The following TSHZ3 variants were observed in gnomAD, a reference collection of about 807,000 sequenced individuals.
The protein encoded by TSHZ3 is teashirt homolog 3.
In TSHZ3, 10 loss-of-function variants were observed where a neutral mutation model predicts 64.5. The observed-to-expected ratio is 0.16, with a 90% confidence interval of 0.10 to 0.26. The LOEUF (loss-of-function observed/expected upper bound fraction) is 0.26. Ranked by LOEUF, TSHZ3 falls within the 10% of genes least tolerant of loss-of-function variation. TSHZ3 has a pLI of 1.00. For missense variants in TSHZ3, 1,242 were observed against 1,421.7 expected (o/e 0.87, Z 2.03); for synonymous variants, 608 against 593.1 (o/e 1.03, Z -0.36).
chr19:31,328,068 C>G (rs897276331), intron 1 of TSHZ3, among the ~76,000 whole-genome samples: 1 of 152,206 alleles, frequency 6.6e-6, no homozygotes, highest in African/African-American at 2.4e-5. Context: ...TTATCTCTGT[C>G]CTCTGAAGAA....
chr19:31,311,331 G>A (rs1359023299), intron 1 of TSHZ3, among the ~76,000 whole-genome samples: 3 of 152,180 alleles, frequency 2.0e-5, no homozygotes, highest in Admixed American at 6.5e-5. Context: ...CAAATCCTAG[G>A]ACAGATCAAG....
intron 1 of TSHZ3, among the ~76,000 whole-genome samples, chr19:31,284,681 G>A (rs1234842305): frequency 1.3e-5 from 2 of 152,154 alleles, no homozygotes; most frequent in African/African-American, 4.8e-5. Flanking sequence ...GGCTCTTGGG[G>A]ATAGCAGGGT....
At chr19:31,249,465 C>A (rs1452331132) in intron 1 of TSHZ3, among the ~76,000 whole-genome samples, 4 of 152,162 alleles carry the variant, frequency 2.6e-5, no homozygotes, top group African/African-American at 9.7e-5. Flanking sequence ...GGGACCTTGG[C>A]ACCGACTGCA....
At chr19:31,300,595 G>C (rs1350710290) in intron 1 of TSHZ3, among the ~76,000 whole-genome samples, 7 of 152,152 alleles carry the variant, frequency 4.6e-5, no homozygotes, top group Non-Finnish European at 8.8e-5. Context: ...CCTCTCTAAC[G>C]ATGCACTCGC....
At chr19:31,266,912 G>T (rs907238660) in intron 1 of TSHZ3, among the ~76,000 whole-genome samples, 1 of 152,132 alleles carries the variant, frequency 6.6e-6, no homozygotes. Context: ...TCCCCTCTCT[G>T]CAAGCTCAAG....
At chr19:31,284,871 G>C (rs1976427886) in intron 1 of TSHZ3, among the ~76,000 whole-genome samples, 1 of 152,140 alleles carries the variant, frequency 6.6e-6, no homozygotes, top group Non-Finnish European at 1.5e-5. Context: ...TGGGACGAAT[G>C]AATGAATGAA....
intron 1 of TSHZ3, among the ~76,000 whole-genome samples, chr19:31,322,610 A>G (rs913648795): frequency 6.6e-6 from 1 of 151,558 alleles, no homozygotes; most frequent in Admixed American, 6.6e-5. Flanking sequence ...TGTAGAGACC[A>G]GGTCTCACTA....
At chr19:31,203,141 T>C (rs1046694589) in intron 5 of TSHZ3, among the ~76,000 whole-genome samples, 1 of 151,612 alleles carries the variant, frequency 6.6e-6, no homozygotes, top group African/African-American at 2.4e-5. Flanking sequence ...GGAAGCTCCA[T>C]TGAGAAGAGG....
chr19:31,266,460 G>A (rs1467957084), intron 1 of TSHZ3, among the ~76,000 whole-genome samples: 1 of 152,068 alleles, frequency 6.6e-6, no homozygotes, highest in African/African-American at 2.4e-5. Context: ...CACTCCCTGA[G>A]GAATCTGAGA....
intron 1 of TSHZ3, among the ~76,000 whole-genome samples, chr19:31,291,447 G>A (rs1976563369): frequency 6.6e-6 from 1 of 152,180 alleles, no homozygotes; most frequent in African/African-American, 2.4e-5. Flanking sequence ...AAAGGAGGAG[G>A]CCAGAACGTC....
intron 5 of TSHZ3, among the ~76,000 whole-genome samples, chr19:31,171,147 G>A (rs1040105113): frequency 2.0e-5 from 3 of 152,110 alleles, no homozygotes; most frequent in African/African-American, 7.2e-5. Context: ...TGGGGGAAGA[G>A]GAAGAGAGAT....
At chr19:31,309,638 C>G (rs1599640212) in intron 1 of TSHZ3, among the ~76,000 whole-genome samples, 1 of 152,180 alleles carries the variant, frequency 6.6e-6, no homozygotes, top group Admixed American at 6.5e-5. Flanking sequence ...GTAAATGAAA[C>G]GTGCGGATAA....
intron 5 of TSHZ3, among the ~76,000 whole-genome samples, chr19:31,202,035 C>T (rs1020756574): frequency 2.0e-5 from 3 of 151,828 alleles, no homozygotes; most frequent in Non-Finnish European, 4.4e-5. Context: ...AGCGTGCTGG[C>T]GGTGCCTGTA....
At chr19:31,213,114 G>C (rs1357689313) in intron 4 of TSHZ3, among the ~76,000 whole-genome samples, 1 of 151,934 alleles carries the variant, frequency 6.6e-6, no homozygotes, top group Non-Finnish European at 1.5e-5. Context: ...CTAGCACTTT[G>C]GGAGGCGGAG....
At chr19:31,341,708 A>C (rs1917445500) in intron 1 of TSHZ3, among the ~76,000 whole-genome samples, 1 of 151,716 alleles carries the variant, frequency 6.6e-6, no homozygotes, top group African/African-American at 2.4e-5. Flanking sequence ...GAAAACCTAC[A>C]GAACAGCTCC....
rs970256956 is a variant in TSHZ3, at chr19:31,349,337, C to A, written c.-118G>T. On this transcript the variant is annotated 5_prime_UTR_variant, in exon 1 of 2. Coordinates refer to ENST00000240587, the MANE Select transcript of TSHZ3 (RefSeq NM_020856.4). ...GGCGGGCCTGCTCTCAGCCTCCCCC[C>A]CGGAGAGCGGCCGCCCGCAGGATGC... The A allele has an allele frequency of 5.7e-5, 57 of 1,001,662 alleles. No homozygotes were observed. The highest frequency in any genetic ancestry group is 1.8e-4 in the South Asian group (8 of 43,248). 62.0% of individuals were successfully genotyped at this position (1,001,662 alleles called of 1,614,324 possible). A position where few individuals can be genotyped will look rare whatever the true frequency, so the allele number is the denominator to read the frequency against.
chr19:31,248,102 TACTC>T (rs1313820093), intron 1 of TSHZ3, among the ~76,000 whole-genome samples: 4 of 152,098 alleles, frequency 2.6e-5, no homozygotes, highest in Admixed American at 6.5e-5. Flanking sequence ...TCGTGAGACT[TACTC>T]ACTACCACGA....
chr19:31,295,143 A>C (rs1298692445), intron 1 of TSHZ3, among the ~76,000 whole-genome samples: 1 of 152,228 alleles, frequency 6.6e-6, no homozygotes, highest in Non-Finnish European at 1.5e-5. Flanking sequence ...CTATGCAGCA[A>C]CTCACAAGGA....
chr19:31,160,397 T>G (rs926738096), intron 5 of TSHZ3, among the ~76,000 whole-genome samples: 3 of 152,178 alleles, frequency 2.0e-5, no homozygotes, highest in African/African-American at 7.2e-5. Flanking sequence ...AAGACACCTC[T>G]TCTTTGTGCA....
Sources: allele counts gnomAD v4.1 joint callset (sites outside exome capture counted in the v4.1 genomes callset), GRCh38; gene constraint gnomAD v4.1.1; transcripts MANE v1.5; gene names NCBI Gene and HGNC (gene_info 2026-07-23, HGNC 2026-07-21).